The following LRBA variants were observed in gnomAD, a reference collection of about 807,000 sequenced individuals.
LRBA encodes LPS responsive beige-like anchor protein.
In LRBA, 176 loss-of-function variants were observed where a neutral mutation model predicts 330.0. That is an observed-to-expected ratio of 0.53 (90% confidence interval 0.47 to 0.60). The LOEUF is 0.60. Among genes scored for constraint, LRBA ranks in the 20% least tolerant of loss-of-function variants. The pLI is 0.00. For missense variants in LRBA, 3,259 were observed against 3,444.8 expected, an observed-to-expected ratio of 0.95 and a Z score of 1.35; for synonymous variants, 1,230 against 1,193.0, an observed-to-expected ratio of 1.03 and a Z score of -0.64.
intron 37 of LRBA, among the ~76,000 whole-genome samples, chr4:150,612,037 G>A (rs1385924266): frequency 6.6e-6 from 1 of 152,056 alleles, no homozygotes; most frequent in African/African-American, 2.4e-5. Flanking sequence ...TGAGTAGCTG[G>A]GACTACAGGC....
intron 56 of LRBA, among the ~76,000 whole-genome samples, chr4:150,277,039 G>A (rs967062075): frequency 7.9e-5 from 12 of 152,274 alleles, no homozygotes; most frequent in African/African-American, 2.6e-4. Flanking sequence ...GCCCATCAAT[G>A]ATAGACTGGA....
At chr4:150,284,905 G>T (rs2085723) in intron 54 of LRBA, among the ~76,000 whole-genome samples, 94,188 of 151,984 alleles carry the variant, frequency 0.62, 29,897 homozygotes, top group South Asian at 0.82. Flanking sequence ...GGTTTCAGTT[G>T]GCGTGCTCAC....
chr4:150,902,620 A>G (rs1730864069), intron 13 of LRBA, among the ~76,000 whole-genome samples: 1 of 152,240 alleles, frequency 6.6e-6, no homozygotes, highest in African/African-American at 2.4e-5. Context: ...TAAACCCCAG[A>G]AAATTCTGTA....
At chr4:150,971,797 A>C (rs1344996979) in intron 2 of LRBA, among the ~76,000 whole-genome samples, 1 of 152,216 alleles carries the variant, frequency 6.6e-6, no homozygotes, top group Non-Finnish European at 1.5e-5. Context: ...AGGGAAAAAG[A>C]ATTCACATGC....
intron 40 of LRBA, among the ~76,000 whole-genome samples, chr4:150,552,977 G>A (rs536293816): frequency 6.6e-6 from 1 of 151,842 alleles, no homozygotes; most frequent in East Asian, 1.9e-4. Flanking sequence ...GCTGAGGCAG[G>A]AGAATGGCAT....
At chr4:150,842,659 G>A (rs1436179838) in intron 28 of LRBA, among the ~76,000 whole-genome samples, 2 of 152,204 alleles carry the variant, frequency 1.3e-5, no homozygotes, top group Non-Finnish European at 2.9e-5. Context: ...AGAGAACTAT[G>A]ATCTAAGAAG....
In LRBA at chr4:150,748,876, C is replaced by T. The variant is rs181482324; in HGVS notation, c.5645+12907G>A. Reference sequence around the variant, plus strand: ...ATAGTCTTCACACAATGTTTAGCCTCTTCTGCCCTTTCGGCTTCCACCAGG... The same window carrying T: ...ATAGTCTTCACACAATGTTTAGCCTTTTCTGCCCTTTCGGCTTCCACCAGG... On this transcript the variant is annotated intron_variant, in intron 35 of 56. Coordinates refer to ENST00000651943, the MANE Select transcript of LRBA (RefSeq NM_001364905.1). Among the ~76,000 whole-genome samples, 4 of 152,248 alleles carry T rather than the reference C, an allele frequency of 2.6e-5. No individual in the cohort carries two copies. In the East Asian group the frequency reaches 7.7e-4, roughly 29 times the overall value.
At position 150,852,817 on chromosome 4, in the gene LRBA, T is replaced by C. The variant is rs1750769346; in HGVS notation, c.2893A>G (p.Ile965Val). 6.2e-7 allele frequency: 1 copy of C among 1,613,998 alleles called. No individual in the cohort carries two copies. Among genetic ancestry groups the C allele is most frequent in the Non-Finnish European group, 8.5e-7 (1 of 1,179,930 alleles). The change falls in exon 23 of 57, where the codon ATT becomes GTT. Residue 965 changes from isoleucine to valine, a missense_variant. Coordinates refer to ENST00000651943, the MANE Select transcript of LRBA (RefSeq NM_001364905.1). ...VQAASGIRRD[I>V]NVSVGSQQPD... ...TGCTGGGATCCTACTGAAACATTAA[T>C]ATCCCTTCTAATGCCAGAGGCTGCT... is the stretch of plus-strand genomic sequence containing the variant.
chr4:150,610,639 G>A (rs556368399), intron 37 of LRBA, among the ~76,000 whole-genome samples: 1 of 151,964 alleles, frequency 6.6e-6, no homozygotes, highest in South Asian at 2.1e-4. Context: ...CAGTTGACCA[G>A]ACTCATTCAA....
intron 44 of LRBA, among the ~76,000 whole-genome samples, chr4:150,454,431 A>G (rs1262707322): frequency 6.6e-6 from 1 of 152,036 alleles, no homozygotes; most frequent in Non-Finnish European, 1.5e-5. Flanking sequence ...TGATGATTTG[A>G]ACAGTTATTA....
chr4:150,371,440 G>C (rs1216283941), intron 47 of LRBA, among the ~76,000 whole-genome samples: 1 of 151,928 alleles, frequency 6.6e-6, no homozygotes, highest in African/African-American at 2.4e-5. Flanking sequence ...TGATCTGCCT[G>C]CCTCGGTCTC....
At chr4:150,530,317 C>A (rs539639977) in intron 40 of LRBA, among the ~76,000 whole-genome samples, 12 of 152,126 alleles carry the variant, frequency 7.9e-5, no homozygotes, top group African/African-American at 2.6e-4. Context: ...TATAGAAAAT[C>A]TGAACTTAGA....
intron 37 of LRBA, among the ~76,000 whole-genome samples, chr4:150,606,758 T>C (rs1337806215): frequency 1.3e-5 from 2 of 152,212 alleles, no homozygotes; most frequent in Non-Finnish European, 2.9e-5. Context: ...CTTGAACATC[T>C]TATTCGTTAC....
At chr4:150,577,311 A>G (rs1770667079) in intron 40 of LRBA, among the ~76,000 whole-genome samples, 1 of 151,982 alleles carries the variant, frequency 6.6e-6, no homozygotes, top group South Asian at 2.1e-4. Flanking sequence ...TGGGTTATTT[A>G]CTTTTCTTTC....
chr4:150,302,519 T>G (rs1729803453), intron 53 of LRBA, 106 bp downstream of exon 53: 1 of 580,032 alleles, frequency 1.7e-6, no homozygotes, highest in Admixed American at 3.5e-5. Flanking sequence ...TAAAAAATAC[T>G]TGATAATCCT....
intron 47 of LRBA, among the ~76,000 whole-genome samples, chr4:150,402,072 T>C (rs1481416540): frequency 6.9e-6 from 1 of 145,708 alleles, no homozygotes; most frequent in African/African-American, 2.6e-5. Flanking sequence ...GGGCAAATCA[T>C]AAGGTCAGGA....
At chr4:150,555,968 A>T (rs191729230) in intron 40 of LRBA, among the ~76,000 whole-genome samples, 3 of 151,884 alleles carry the variant, frequency 2.0e-5, no homozygotes, top group Non-Finnish European at 4.4e-5. Context: ...TGCCTGGTTA[A>T]TTCTGTTCAT....
chr4:150,593,245 C>A (rs1773108255), intron 38 of LRBA, among the ~76,000 whole-genome samples: 1 of 151,986 alleles, frequency 6.6e-6, no homozygotes, highest in African/African-American at 2.4e-5. Flanking sequence ...CTTTTTATTT[C>A]TTGGATTTAT....
chr4:150,841,691 C>A (rs1207063200), intron 28 of LRBA, among the ~76,000 whole-genome samples: 1 of 151,564 alleles, frequency 6.6e-6, no homozygotes, highest in Non-Finnish European at 1.5e-5. Context: ...CTTGCTCTGT[C>A]GCCCAGGCTG....
Sources: gnomAD v4.1 joint callset for allele counts (sites outside exome capture counted in the v4.1 genomes callset) on GRCh38, gnomAD v4.1.1 for gene constraint, MANE v1.5 for transcripts, NCBI Gene and HGNC (gene_info 2026-07-23, HGNC 2026-07-21) for gene names.